Variants in PIEZO2 observed in about 807,000 individuals in gnomAD.
PIEZO2 encodes the protein piezo type mechanosensitive ion channel component 2.
PIEZO2 carries 172 observed loss-of-function variants against 337.3 expected under a neutral mutation model. The ratio of observed to expected loss-of-function variants is 0.51; its 90% CI spans 0.45 to 0.58. PIEZO2 has a LOEUF of 0.58. Ranked by LOEUF, PIEZO2 falls within the 20% of genes least tolerant of loss-of-function variation. PIEZO2 has a pLI of 0.00. For missense variants in PIEZO2, 3,028 were observed against 3,391.3 expected, an observed-to-expected ratio of 0.89 and a Z score of 2.66; for synonymous variants, 1,251 against 1,228.5, an observed-to-expected ratio of 1.02 and a Z score of -0.38.
rs1473709430 is a variant in PIEZO2, at chr18:10,815,633, T to A, written c.918-8359A>T. Reference sequence around the variant, plus strand: ...TGTATAAAAGTATAGATGTATATAGTTCAAGCTAGAATGATACATCTTTTG... The same window carrying A: ...TGTATAAAAGTATAGATGTATATAGATCAAGCTAGAATGATACATCTTTTG... On this transcript the variant is annotated intron_variant, in intron 7 of 55. Transcript: ENST00000674853. The surrounding 1 kb of genome is among the most constrained non-coding windows in gnomAD (Gnocchi z 4.1). 1.3e-5 allele frequency among the ~76,000 whole-genome samples: 2 copies of A among 152,198 alleles called. No individual in the cohort carries two copies. Among genetic ancestry groups the A allele is most frequent in the Non-Finnish European group, 2.9e-5 (2 of 68,032 alleles).
Position 10,682,010 on chromosome 18 carries a change from C to T in PIEZO2, c.7686+94G>A, listed in dbSNP as rs1252650940. 2.2e-5 allele frequency: 27 copies of T among 1,248,614 alleles called. No homozygotes were observed. Among genetic ancestry groups the T allele is most frequent in the South Asian group, 6.2e-5 (4 of 64,684 alleles). 77.3% of individuals were successfully genotyped at this position (1,248,614 alleles called of 1,614,324 possible). A position where few individuals can be genotyped will look rare whatever the true frequency, so the allele number is the denominator to read the frequency against. ...AGCAGTCAAATGCCGACAGCAGGGT[C>T]GGCAGCCCATGACTAAACACCCTAC... On this transcript the variant is annotated intron_variant, in intron 50 of 55. Transcript: ENST00000674853. This position sits in a 1 kb window ranked among gnomAD's most constrained non-coding sequence, Gnocchi z 5.6.
intron 43 of PIEZO2, 63 bp downstream of exon 43, chr18:10,701,926 T>C (rs2035355654): frequency 1.4e-6 from 2 of 1,384,026 alleles, no homozygotes; most frequent in Non-Finnish European, 1.9e-6. Context: ...TCTAGGAAGA[T>C]TACGGTCCAG....
At chr18:11,064,967 T>C (rs2038103164) in intron 2 of PIEZO2, among the ~76,000 whole-genome samples, 1 of 152,220 alleles carries the variant, frequency 6.6e-6, no homozygotes, top group Non-Finnish European at 1.5e-5. Flanking sequence ...GGGGTCTCAT[T>C]AACAATATAT....
chr18:10,967,012 T>G (rs1456196561), intron 3 of PIEZO2, among the ~76,000 whole-genome samples: 4 of 130,722 alleles, frequency 3.1e-5, no homozygotes, highest in African/African-American at 6.6e-5. Flanking sequence ...ATTTTCTCTG[T>G]TTTTTGTTTT....
intron 43 of PIEZO2, among the ~76,000 whole-genome samples, chr18:10,699,708 T>C (rs1175227736): frequency 7.1e-6 from 1 of 140,704 alleles, no homozygotes; most frequent in Non-Finnish European, 1.6e-5. Flanking sequence ...TGGGTGGGTA[T>C]AGATAATAAG....
chr18:11,123,809 C>CA (rs11437477), intron 1 of PIEZO2, among the ~76,000 whole-genome samples: 39,159 of 134,646 alleles, frequency 0.29, 7,943 homozygotes, highest in African/African-American at 0.59. Context: ...GACTCCGTCT[C>CA]AAAAAAAAAA....
chr18:10,920,491 G>T (rs1396105379), intron 3 of PIEZO2, among the ~76,000 whole-genome samples: 1 of 152,148 alleles, frequency 6.6e-6, no homozygotes, highest in Admixed American at 6.5e-5. Flanking sequence ...TGGGTAGTAT[G>T]TGACATTAAA....
intron 7 of PIEZO2, among the ~76,000 whole-genome samples, chr18:10,852,817 T>A (rs2041593561): frequency 3.3e-5 from 5 of 152,124 alleles, no homozygotes; most frequent in Admixed American, 3.3e-4. Flanking sequence ...AGGTAAGTGG[T>A]CAGGCATGAG....
In PIEZO2 at chr18:11,031,618, C is replaced by T. The variant is rs776510108; in HGVS notation, c.160+34509G>A. Among the ~76,000 whole-genome samples, 4 of 152,088 alleles carry T rather than the reference C, an allele frequency of 2.6e-5. 1 individual carries two copies. The highest frequency in any genetic ancestry group is 2.1e-4 in the South Asian group (1 of 4,828). On this transcript the variant is annotated intron_variant, in intron 2 of 55. Transcript: ENST00000674853. The surrounding 1 kb of genome is among the most constrained non-coding windows in gnomAD (Gnocchi z 4.7). ...GGGTAATATTCAATATATTTAACCACGAGTCTAACATAGACACCAGCTACT... is the reference window on the plus strand; with the variant it reads ...GGGTAATATTCAATATATTTAACCATGAGTCTAACATAGACACCAGCTACT...
chr18:10,849,384 T>A lies in PIEZO2; in HGVS notation c.917+5969A>T, dbSNP rs2041466925. Among the ~76,000 whole-genome samples, 2 of 151,060 alleles carry A rather than the reference T, an allele frequency of 1.3e-5. 1 individual carries two copies. The highest frequency in any genetic ancestry group is 6.8e-3 in the Middle Eastern group (2 of 294). ...AGGCTGTGATGTGCGGCCAAACTAT[T>A]AAAATTGGCTTTTAACTGAAAGCAC... On this transcript the variant is annotated intron_variant, in intron 7 of 55. Coordinates refer to ENST00000674853, the MANE Select transcript of PIEZO2 (RefSeq NM_001378183.1).
At chr18:11,034,529 G>A (rs574337595) in intron 2 of PIEZO2, among the ~76,000 whole-genome samples, 81 of 152,208 alleles carry the variant, frequency 5.3e-4, no homozygotes, top group African/African-American at 1.6e-3. Context: ...TCCTGACCTC[G>A]TGATCTGCCC....
rs182946322 is a variant in PIEZO2, at chr18:11,021,846, T to C, written c.161-42186A>G. ...CAGCTCTGCTGCAGTTCCATTCTTC[T>C]CCATCTTGATGGCAGAGTCCAGATG... On this transcript the variant is annotated intron_variant, in intron 2 of 55. Transcript: ENST00000674853. This position sits in a 1 kb window ranked among gnomAD's most constrained non-coding sequence, Gnocchi z 4.7. Among the ~76,000 whole-genome samples, 3 of 152,318 alleles carry C rather than the reference T, an allele frequency of 2.0e-5. No individual in the cohort carries two copies. In the East Asian group the frequency reaches 5.8e-4, roughly 29 times the overall value.
At chr18:10,796,640 T>C (rs2039608475) in intron 12 of PIEZO2, among the ~76,000 whole-genome samples, 1 of 152,200 alleles carries the variant, frequency 6.6e-6, no homozygotes, top group South Asian at 2.1e-4. Context: ...TTACAATCTG[T>C]AGTATAAATA....
chr18:11,037,704 C>T (rs749336899), intron 2 of PIEZO2, among the ~76,000 whole-genome samples: 18 of 152,190 alleles, frequency 1.2e-4, no homozygotes, highest in Non-Finnish European at 2.6e-4. Context: ...CTGTTAAACA[C>T]ATATGAAATG....
chr18:10,725,072 G>T, intron 36 of PIEZO2: 3 of 1,532,246 alleles, frequency 2.0e-6, no homozygotes, highest in South Asian at 1.1e-5. Context: ...GACCGTGAGG[G>T]AGACAAGTTC....
chr18:10,916,095 A>C (rs945172906), intron 3 of PIEZO2, among the ~76,000 whole-genome samples: 7 of 152,156 alleles, frequency 4.6e-5, no homozygotes, highest in Admixed American at 3.9e-4. Context: ...CCACCAGAGT[A>C]GCTAGACACA....
chr18:10,996,220 G>C (rs2035314923), intron 2 of PIEZO2, among the ~76,000 whole-genome samples: 1 of 152,120 alleles, frequency 6.6e-6, no homozygotes. Context: ...TCACTGAAGA[G>C]AACAAGACCC....
intron 1 of PIEZO2, among the ~76,000 whole-genome samples, chr18:11,144,161 C>T (rs2040747895): frequency 6.6e-6 from 1 of 152,180 alleles, no homozygotes. Context: ...AACACACACA[C>T]TTACAAAGCA....
chr18:11,014,512 G>GGAA (rs1368673515), intron 2 of PIEZO2, among the ~76,000 whole-genome samples: 15 of 137,088 alleles, frequency 1.1e-4, no homozygotes, highest in Non-Finnish European at 4.6e-5. Context: ...TCAGTGGTGG[G>GGAA]CATTTCACCC....
Sources: gnomAD v4.1 joint callset for allele counts (sites outside exome capture counted in the v4.1 genomes callset) on GRCh38, gnomAD v4.1.1 for gene constraint, Gnocchi (gnomAD v3.1) non-coding constraint, MANE v1.5 for transcripts, NCBI Gene and HGNC (gene_info 2026-07-23, HGNC 2026-07-21) for gene names.